The following RNF185 variants were observed in gnomAD, a reference collection of about 807,000 sequenced individuals.
The protein encoded by RNF185 is ring finger protein 185, also known as E3 ubiquitin-protein ligase RNF185.
RNF185 carries 13 observed loss-of-function variants against 24.9 expected under a neutral mutation model. That is an observed-to-expected ratio of 0.52 (90% CI 0.34 to 0.83). The LOEUF (loss-of-function observed/expected upper bound fraction) is 0.83. Ranked by LOEUF, RNF185 falls within the 40% of genes least tolerant of loss-of-function variation. RNF185 has a pLI of 0.01. For synonymous variants in RNF185, 79 were observed against 90.3 expected (o/e 0.88, Z 0.71); for missense variants, 184 against 244.7 (o/e 0.75, Z 1.65).
intron 1 of RNF185, among the ~76,000 whole-genome samples, chr22:31,184,675 A>C (rs2048079418): frequency 6.6e-6 from 1 of 152,212 alleles, no homozygotes; most frequent in African/African-American, 2.4e-5. Flanking sequence ...GCACCTCGGG[A>C]GGCCGAGGCT....
intron 6 of RNF185, among the ~76,000 whole-genome samples, chr22:31,204,255 A>C (rs2048292555): frequency 6.6e-6 from 1 of 151,814 alleles, no homozygotes; most frequent in Non-Finnish European, 1.5e-5. Context: ...AGGCAGGAGA[A>C]TCGCTTGAAC....
intron 1 of RNF185, among the ~76,000 whole-genome samples, chr22:31,171,841 G>A (rs184079574): frequency 2.4e-4 from 37 of 152,092 alleles, no homozygotes; most frequent in Non-Finnish European, 5.1e-4. Flanking sequence ...GGTGGTGCAT[G>A]CCTGTAATCC....
At chr22:31,197,249 T>C in intron 5 of RNF185, 1 of 391,896 alleles carries the variant, frequency 2.6e-6, no homozygotes, top group South Asian at 2.7e-5. Flanking sequence ...GCGTGTATTT[T>C]ACAGATGTGT....
intron 6 of RNF185, 31 bp from the exon 7 acceptor site, chr22:31,204,458 A>G: frequency 6.8e-7 from 1 of 1,461,014 alleles, no homozygotes; most frequent in East Asian, 2.3e-5. Context: ...CAGTGTTCTA[A>G]TAGCCTGTTT....
chr22:31,178,247 G>T (rs1307213754), intron 1 of RNF185, among the ~76,000 whole-genome samples: 1 of 152,214 alleles, frequency 6.6e-6, no homozygotes, highest in African/African-American at 2.4e-5. Context: ...CAGCAGATTT[G>T]TCCCTTACCC....
chr22:31,167,610 CTTTTTTTTTTTT>C (rs150121453), intron 1 of RNF185, among the ~76,000 whole-genome samples: 19 of 107,364 alleles, frequency 1.8e-4, no homozygotes, highest in African/African-American at 6.3e-4. Flanking sequence ...GGGTTTTTTC[CTTTTTTTTTTTT>C]TTTTTTTTTG....
At chr22:31,195,948 G>A (rs1192089922) in intron 4 of RNF185, among the ~76,000 whole-genome samples, 2 of 152,208 alleles carry the variant, frequency 1.3e-5, no homozygotes, top group African/African-American at 2.4e-5. Flanking sequence ...GTGGAGTTTG[G>A]GATTTCTAGA....
At chr22:31,190,203 G>C (rs2048142830) in intron 2 of RNF185, among the ~76,000 whole-genome samples, 1 of 152,226 alleles carries the variant, frequency 6.6e-6, no homozygotes, top group African/African-American at 2.4e-5. Context: ...TGATGGACCT[G>C]AAAAGTTCCT....
intron 2 of RNF185, among the ~76,000 whole-genome samples, chr22:31,188,635 T>A (rs952610686): frequency 4.6e-5 from 7 of 151,396 alleles, no homozygotes; most frequent in African/African-American, 1.7e-4. Context: ...AAGATGAGTC[T>A]GGGCAACATA....
At chr22:31,197,942 G>A (rs2048222590) in intron 5 of RNF185, among the ~76,000 whole-genome samples, 1 of 152,100 alleles carries the variant, frequency 6.6e-6, no homozygotes, top group African/African-American at 2.4e-5. Flanking sequence ...TTTGTCTCTA[G>A]TGGTCTAGTG....
rs1238038185 is a variant in RNF185 at position 31,202,749 on chromosome 22, A to C, written c.481+1134A>C. 2.6e-5 allele frequency among the ~76,000 whole-genome samples: 4 copies of C among 151,266 alleles called. No homozygotes were observed. In the Admixed American group the frequency reaches 2.6e-4, roughly 10 times the overall value. ...TGCCTCAGCCTCCCGAGTAGCTGGG[A>C]CTACAGGCGCCTGCCACCACGCCTG... is the stretch of plus-strand genomic sequence containing the variant. On this transcript the variant is annotated intron_variant, in intron 6 of 6. Transcript: ENST00000326132.
intron 5 of RNF185, chr22:31,197,224 A>C: frequency 2.2e-6 from 1 of 446,868 alleles, no homozygotes; most frequent in Non-Finnish European, 4.0e-6. Context: ...ATACACACAA[A>C]TTTTACAAAT....
At chr22:31,173,364 A>G (rs1602796245) in intron 1 of RNF185, among the ~76,000 whole-genome samples, 1 of 151,560 alleles carries the variant, frequency 6.6e-6, no homozygotes. Context: ...TGAGTTGTAC[A>G]GTTCTAATTG....
Position 31,187,160 on chromosome 22 carries a change from G to C in RNF185, c.66G>C (p.Gly22=). The C allele has an allele frequency of 6.8e-6, 11 of 1,613,826 alleles. No individual in the cohort carries two copies. Among genetic ancestry groups the C allele is most frequent in the Non-Finnish European group, 9.3e-6 (11 of 1,179,822 alleles). Residue 22 remains glycine (G), a synonymous_variant, in exon 2 of 7, where the codon GGG becomes GGC. Transcript: ENST00000326132. ...ACTCCAGTGCAGGGGGGCCCAGTGG[G>C]AGCAGCAATGGCGCTGGCGAGAGCG... is the stretch of plus-strand genomic sequence containing the variant. ...PENSSAGGPS[G]SSNGAGESGG...
At chr22:31,197,761 T>C (rs1421615760) in intron 5 of RNF185, among the ~76,000 whole-genome samples, 1 of 152,102 alleles carries the variant, frequency 6.6e-6, no homozygotes, top group African/African-American at 2.4e-5. Flanking sequence ...TTGTTTTGTT[T>C]GGGTAGAAAC....
chr22:31,196,299 A>T (rs989964872), intron 4 of RNF185, among the ~76,000 whole-genome samples: 1 of 152,010 alleles, frequency 6.6e-6, no homozygotes, highest in African/African-American at 2.4e-5. Flanking sequence ...AGTTGCTCTC[A>T]CCCAGTTCCC....
intron 3 of RNF185, among the ~76,000 whole-genome samples, chr22:31,195,055 C>T (rs2048192200): frequency 1.3e-5 from 2 of 152,090 alleles, no homozygotes; most frequent in African/African-American, 2.4e-5. Flanking sequence ...CGGGTTCAAG[C>T]GATTCTCCTC....
Position 31,175,603 on chromosome 22 carries a change from T to A in RNF185, c.-48-11444T>A, listed in dbSNP as rs2047975317. Among the ~76,000 whole-genome samples the A allele has an allele frequency of 2.0e-5, 3 of 152,252 alleles. No individual in the cohort carries two copies. In the South Asian group the frequency reaches 6.2e-4, roughly 32 times the overall value. On this transcript the variant is annotated intron_variant, in intron 1 of 6. Transcript: ENST00000326132. ...TTCAGCACTGTCTCAAAGTTACAAATATAAATACTTTGACCCTGCAGTTCT... is the reference window on the plus strand; with the variant it reads ...TTCAGCACTGTCTCAAAGTTACAAAAATAAATACTTTGACCCTGCAGTTCT...
intron 1 of RNF185, among the ~76,000 whole-genome samples, chr22:31,183,436 G>A (rs1046195955): frequency 6.6e-6 from 1 of 151,800 alleles, no homozygotes; most frequent in Admixed American, 6.6e-5. Context: ...CTCGGAGAGG[G>A]GGATTTGGCA....
Sources: gnomAD v4.1 joint callset for allele counts (sites outside exome capture counted in the v4.1 genomes callset) on GRCh38, gnomAD v4.1.1 for gene constraint, MANE v1.5 for transcripts, NCBI Gene and HGNC (gene_info 2026-07-23, HGNC 2026-07-21) for gene names.